ABCA5: variants seen among roughly 807,000 people sequenced by gnomAD.
ABCA5 encodes cholesterol transporter ABCA5.
In ABCA5, 163 loss-of-function variants were observed where a neutral mutation model predicts 206.0. That is an observed-to-expected ratio of 0.79 (90% CI 0.70 to 0.90). The LOEUF (loss-of-function observed/expected upper bound fraction) is 0.90. ABCA5 is among the 40% of genes least tolerant of loss of function. ABCA5 has a pLI of 0.00. For synonymous variants in ABCA5, 609 were observed against 613.8 expected, an observed-to-expected ratio of 0.99 and a Z score of 0.11; for missense variants, 1,859 against 1,912.9, an observed-to-expected ratio of 0.97 and a Z score of 0.53.
At chr17:69,324,605 T>C (rs1012386629) in intron 1 of ABCA5, among the ~76,000 whole-genome samples, 2 of 152,190 alleles carry the variant, frequency 1.3e-5, no homozygotes, top group South Asian at 2.1e-4. Context: ...ACTTTCCCAA[T>C]CCCCAAATCT....
At chr17:69,283,318 T>C (rs1013626784) in intron 18 of ABCA5, among the ~76,000 whole-genome samples, 2 of 152,110 alleles carry the variant, frequency 1.3e-5, no homozygotes, top group Admixed American at 1.3e-4. Flanking sequence ...TTCAAGATAG[T>C]ATTAACTATA....
Position 69,261,190 on chromosome 17 carries a change from G to T in ABCA5, c.3499C>A (p.His1167Asn). The T allele has an allele frequency of 4.4e-6, 7 of 1,608,776 alleles. No individual in the cohort carries two copies. The highest frequency in any genetic ancestry group is 4.2e-6 in the Non-Finnish European group (5 of 1,177,104). Reference sequence around the variant, plus strand: ...GGAATGATGATACAAAAGGCATAATGAAGAATAGTTGCAATTGTGTATCCC... The same window carrying T: ...GGAATGATGATACAAAAGGCATAATTAAGAATAGTTGCAATTGTGTATCCC... The part of the protein sequence containing the change: ...FMGYTIATIL[H>N]YAFCIIIPIY... Residue 1167 changes from histidine to asparagine, a missense_variant, in exon 26 of 39, where the codon CAT becomes AAT. By Grantham distance (68) the His-to-Asn change is moderately conservative (BLOSUM62 1). Transcript: ENST00000392676.
chr17:69,321,370 C>T (rs1567787350), intron 1 of ABCA5, among the ~76,000 whole-genome samples: 1 of 151,968 alleles, frequency 6.6e-6, no homozygotes, highest in Non-Finnish European at 1.5e-5. Flanking sequence ...GAGGCATGAC[C>T]AAAAAGGGGA....
At chr17:69,298,260 G>GAAGGAAGGAAGA (rs1567774532) in intron 9 of ABCA5, among the ~76,000 whole-genome samples, 2 of 132,474 alleles carry the variant, frequency 1.5e-5, no homozygotes, top group Non-Finnish European at 3.3e-5. Context: ...AGGAAGGAAG[G>GAAGGAAGGAAGA]AAGGAAGGAA....
intron 1 of ABCA5, chr17:69,317,957 AC>A (rs2075831555): frequency 1.3e-5 from 2 of 152,228 alleles, no homozygotes; most frequent in Admixed American, 1.3e-4. Context: ...AATAACAACA[AC>A]AACAAAAAAA....
Position 69,256,196 on chromosome 17 carries a change from T to TA in ABCA5, c.3818dup (p.Val1275GlyfsTer11). The TA allele has an allele frequency of 1.9e-6, 3 of 1,610,352 alleles. No individual in the cohort carries two copies. On this transcript the variant is annotated frameshift_variant, in exon 29 of 39. Coordinates refer to ENST00000392676, the MANE Select transcript of ABCA5 (RefSeq NM_172232.4). LOFTEE classifies it high-confidence loss of function. ...GGCAACCCATCAGCTCTTTGACCTT[T>TA]AGTCTTTCAGCTTTGACATCTTCAT... is the stretch of plus-strand genomic sequence containing the variant.
chr17:69,252,782 A>G (rs2075030990), intron 34 of ABCA5, among the ~76,000 whole-genome samples: 1 of 151,306 alleles, frequency 6.6e-6, no homozygotes. Flanking sequence ...GGTTGCAGTA[A>G]GCCAAGACGG....
chr17:69,281,751 C>A (rs2144962582), intron 18 of ABCA5, among the ~76,000 whole-genome samples: 1 of 152,226 alleles, frequency 6.6e-6, no homozygotes. Flanking sequence ...ACTACCAAAC[C>A]ATGAATAATT....
chr17:69,261,795 TACACATG>T, intron 24 of ABCA5, 47 bp from the exon 25 acceptor site: 2 of 740,572 alleles, frequency 2.7e-6, no homozygotes, highest in Non-Finnish European at 4.1e-6. Context: ...TAGCTTGCAA[TACACATG>T]ACATGAAATA....
Position 69,250,602 on chromosome 17 carries a change from G to A in ABCA5, c.4555C>T (p.His1519Tyr), listed in dbSNP as rs201600235. The A allele has an allele frequency of 2.2e-4, 342 of 1,589,102 alleles. 2 individuals are homozygous for A. In the East Asian group the frequency reaches 7.7e-3, roughly 36 times the overall value. ...GQLRCIGTVQ[H>Y]LKSKFGKGYF... Reference sequence around the variant, plus strand: ...CCTTTTCCAAATTTACTCTTTAGATGTTGTACTGTTCCGATACATCTGAAG... The same window carrying A: ...CCTTTTCCAAATTTACTCTTTAGATATTGTACTGTTCCGATACATCTGAAG... Residue 1519 changes from histidine (H) to tyrosine (Y), a missense_variant, in exon 36 of 39, where the codon CAT becomes TAT. Coordinates refer to ENST00000392676, the MANE Select transcript of ABCA5 (RefSeq NM_172232.4).
At position 69,306,275 on chromosome 17, in the gene ABCA5, A is replaced by G. The variant is rs542367845; in HGVS notation, c.788+450T>C. 2.6e-5 allele frequency among the ~76,000 whole-genome samples: 4 copies of G among 152,236 alleles called. No homozygotes were observed. In the South Asian group the frequency reaches 6.2e-4, roughly 24 times the overall value. On this transcript the variant is annotated intron_variant, in intron 6 of 38. Transcript: ENST00000392676. ...CTTTCGAGGGAAAAAAAGTCCATAT[A>G]CCACATATACAGACTTTAATCACTA...
intron 24 of ABCA5, among the ~76,000 whole-genome samples, chr17:69,262,220 T>G (rs1212320621): frequency 6.6e-6 from 1 of 152,138 alleles, no homozygotes; most frequent in Non-Finnish European, 1.5e-5. Context: ...TAAGCTATAT[T>G]TTATTTTAAG....
At chr17:69,269,755 T>C (rs1396492195) in intron 22 of ABCA5, among the ~76,000 whole-genome samples, 2 of 152,182 alleles carry the variant, frequency 1.3e-5, no homozygotes, top group Non-Finnish European at 2.9e-5. Context: ...GAAGCACTGA[T>C]ACGTGTTACA....
intron 22 of ABCA5, chr17:69,268,867 T>A (rs943275941): frequency 3.9e-5 from 6 of 152,120 alleles, no homozygotes; most frequent in Non-Finnish European, 7.4e-5. Context: ...TTTTCCTATT[T>A]AGCAATTAAG....
rs754956686 is a variant in ABCA5 at position 69,271,268 on chromosome 17, A to G, written c.2786T>C (p.Ile929Thr). The change falls in exon 21 of 39, where the codon ATT (isoleucine) becomes ACT (threonine). Residue 929 changes from isoleucine (I) to threonine (T), a missense_variant. Ile to Thr is a moderately conservative substitution (Grantham distance 89). Coordinates refer to ENST00000392676, the MANE Select transcript of ABCA5 (RefSeq NM_172232.4). ...TATGTTCTGGCTTGTGAAAAAGCTA[A>G]TAAGATCACTGATATCTGAGTCTGG... is the stretch of plus-strand genomic sequence containing the variant. ...NSADSDISDL[I>T]SFFTSQNIMV... is the part of the protein sequence containing the mutation. The G allele has an allele frequency of 3.7e-6, 6 of 1,612,412 alleles. No individual in the cohort carries two copies. The African/African-American group carries it at 4.0e-5, about 11-fold the overall frequency.
intron 8 of ABCA5, among the ~76,000 whole-genome samples, chr17:69,301,787 G>A (rs1487130841): frequency 2.0e-5 from 3 of 152,130 alleles, no homozygotes; most frequent in Non-Finnish European, 4.4e-5. Context: ...GAAATGTACT[G>A]GAGGTTGAAG....
At position 69,260,385 on chromosome 17, in the gene ABCA5, C is replaced by T. The variant is rs752143901; in HGVS notation, c.3592G>A (p.Val1198Met). 3 of 1,608,166 alleles carry T rather than the reference C, an allele frequency of 1.9e-6. No homozygotes were observed. Among genetic ancestry groups the T allele is most frequent in the Admixed American group, 1.7e-5 (1 of 59,596 alleles). Reference sequence around the variant, plus strand: ...CTATCCCATGGATTATAGGTGTCCACATTTTTTCGTACATTCTTCCAAGAA... The same window carrying T: ...CTATCCCATGGATTATAGGTGTCCATATTTTTTCGTACATTCTTCCAAGAA... Reference protein sequence around the residue: ...KISWKNVRKNVDTYNPWDRLS... With the variant: ...KISWKNVRKNMDTYNPWDRLS... The change falls in exon 27 of 39, where the codon GTG (valine) becomes ATG (methionine). Residue 1198 changes from valine (V) to methionine (M), a missense_variant. Val to Met is a conservative substitution (Grantham distance 21, BLOSUM62 1). Coordinates refer to ENST00000392676, the MANE Select transcript of ABCA5 (RefSeq NM_172232.4).
At chr17:69,300,434 T>C (rs2075640419) in intron 9 of ABCA5, among the ~76,000 whole-genome samples, 2 of 152,162 alleles carry the variant, frequency 1.3e-5, no homozygotes, top group African/African-American at 4.8e-5. Context: ...TCCTGGGGGT[T>C]GGGAACCTCT....
In ABCA5 at chr17:69,286,029, A is replaced by G; in HGVS notation, c.2141T>C (p.Ile714Thr). 6.2e-7 allele frequency: 1 copy of G among 1,610,716 alleles called. No individual in the cohort carries two copies. The highest frequency in any genetic ancestry group is 1.1e-5 in the South Asian group (1 of 90,476). The change falls in exon 17 of 39, where the codon ATA becomes ACA. Residue 714 changes from isoleucine (I) to threonine (T), a missense_variant. Transcript: ENST00000392676. ...AGATTCTGTGGCACAATATTTGTCT[A>G]TGTACATGCTAGAGAATACCAAAAA... ...WGIGYRLSMY[I>T]DKYCATESLS... is the part of the protein sequence containing the mutation.
Sources: allele counts gnomAD v4.1 joint callset (sites outside exome capture counted in the v4.1 genomes callset), GRCh38; gene constraint gnomAD v4.1.1; transcripts MANE v1.5; gene names NCBI Gene and HGNC (gene_info 2026-07-23, HGNC 2026-07-21).